The following CCNB1IP1 variants were observed in gnomAD, a reference collection of about 807,000 sequenced individuals.
CCNB1IP1 encodes the protein E3 ubiquitin-protein ligase CCNB1IP1.
Under a neutral mutation model 25.6 loss-of-function variants are expected in CCNB1IP1, and 14 were observed. The observed-to-expected ratio is 0.55, with a 90% CI of 0.36 to 0.85. The LOEUF (loss-of-function observed/expected upper bound fraction) is 0.85, where lower values mean the gene tolerates loss of function less well. CCNB1IP1 is among the 40% of genes least tolerant of loss of function. The pLI is 0.01. For missense variants in CCNB1IP1, 278 were observed against 342.4 expected, an observed-to-expected ratio of 0.81 and a Z score of 1.48; for synonymous variants, 119 against 116.1, an observed-to-expected ratio of 1.02 and a Z score of -0.16.
At chr14:20,332,557 T>C (rs994884845) in intron 1 of CCNB1IP1, among the ~76,000 whole-genome samples, 1 of 152,202 alleles carries the variant, frequency 6.6e-6, no homozygotes, top group African/African-American at 2.4e-5. Flanking sequence ...AATGGCTCAC[T>C]GCTTCTCCCA....
intron 1 of CCNB1IP1, among the ~76,000 whole-genome samples, chr14:20,331,401 T>G (rs1263936594): frequency 6.6e-6 from 1 of 152,214 alleles, no homozygotes; most frequent in East Asian, 1.9e-4. Flanking sequence ...TTCCTTTCGG[T>G]AGAAAATCCT....
intron 2 of CCNB1IP1, among the ~76,000 whole-genome samples, chr14:20,327,806 CAAGT>C (rs1036823743): frequency 6.6e-6 from 1 of 152,066 alleles, no homozygotes; most frequent in Admixed American, 6.6e-5. Flanking sequence ...TAGTAGAAAG[CAAGT>C]AAGGTTAAGA....
chr14:20,317,131 G>A (rs763362490), intron 4 of CCNB1IP1, among the ~76,000 whole-genome samples: 38 of 151,920 alleles, frequency 2.5e-4, no homozygotes, highest in Non-Finnish European at 5.4e-4. Flanking sequence ...TATATAGGCT[G>A]GGCGCGGTGG....
intron 4 of CCNB1IP1, chr14:20,317,634 C>T (rs61995534): frequency 0.046 from 6,958 of 152,232 alleles, 229 homozygotes; most frequent in Middle Eastern, 0.1. Context: ...CAGCTAATTC[C>T]GAATCTTCCA....
At chr14:20,315,033 G>A (rs1489655097) in intron 5 of CCNB1IP1, among the ~76,000 whole-genome samples, 2 of 141,306 alleles carry the variant, frequency 1.4e-5, no homozygotes, top group South Asian at 2.3e-4. Context: ...AGAGCTTGCA[G>A]TGAGCTGAGA....
Position 20,313,821 on chromosome 14 carries a change from G to T in CCNB1IP1, c.298-20C>A, listed in dbSNP as rs1230458398. ...ATGTACCTGGTTCCAAAAGAAAAAA[G>T]ATTTTTAAGGTATTGGGTACAAAGT... On this transcript the variant is annotated intron_variant, in intron 5 of 6. Coordinates refer to ENST00000358932, the MANE Select transcript of CCNB1IP1 (RefSeq NM_021178.5). 1 of 1,510,008 alleles carries T rather than the reference G, an allele frequency of 6.6e-7. No homozygotes were observed. The highest frequency in any genetic ancestry group is 8.9e-7 in the Non-Finnish European group (1 of 1,129,294). 93.5% of individuals were successfully genotyped at this position (1,510,008 alleles called of 1,614,324 possible).
intron 4 of CCNB1IP1, chr14:20,320,349 C>G: frequency 2.2e-6 from 1 of 455,946 alleles, no homozygotes; most frequent in South Asian, 1.5e-5. Flanking sequence ...AACATTCCAA[C>G]AACTTCAGTA....
chr14:20,323,012 T>C (rs1882945067), intron 4 of CCNB1IP1, among the ~76,000 whole-genome samples: 1 of 152,188 alleles, frequency 6.6e-6, no homozygotes, highest in Non-Finnish European at 1.5e-5. Flanking sequence ...CATGAATGAC[T>C]TTAGAGTATA....
chr14:20,312,451 A>G (rs950340694), intron 6 of CCNB1IP1, among the ~76,000 whole-genome samples: 2 of 151,806 alleles, frequency 1.3e-5, no homozygotes, highest in Admixed American at 6.6e-5. Context: ...CCTGGGCTCA[A>G]GTGATTCTCC....
intron 3 of CCNB1IP1, 114 bp downstream of exon 3, chr14:20,326,601 TG>T: frequency 2.1e-6 from 1 of 471,636 alleles, no homozygotes; most frequent in South Asian, 1.6e-5. Flanking sequence ...AGGTTAGAAC[TG>T]GGGATTTTTT....
chr14:20,329,588 G>A (rs537770444), intron 1 of CCNB1IP1, among the ~76,000 whole-genome samples: 298 of 152,166 alleles, frequency 2.0e-3, no homozygotes, highest in Non-Finnish European at 3.6e-3. Flanking sequence ...CCATTCATCC[G>A]TTGATGGACC....
intron 1 of CCNB1IP1, among the ~76,000 whole-genome samples, chr14:20,330,271 AG>A (rs1186830470): frequency 3.9e-5 from 6 of 152,132 alleles, no homozygotes; most frequent in African/African-American, 1.4e-4. Flanking sequence ...AATCTTGCGT[AG>A]GGAGCTAAAT....
At chr14:20,331,752 T>C (rs1296116969) in intron 1 of CCNB1IP1, among the ~76,000 whole-genome samples, 1 of 151,638 alleles carries the variant, frequency 6.6e-6, no homozygotes, top group African/African-American at 2.4e-5. Context: ...TATGTTACCA[T>C]TATGAAGAAT....
intron 4 of CCNB1IP1, among the ~76,000 whole-genome samples, chr14:20,318,887 C>A (rs1237890195): frequency 6.6e-6 from 1 of 152,320 alleles, no homozygotes; most frequent in South Asian, 2.1e-4. Context: ...CTCAGCCTCC[C>A]GAGTGGCTGG....
chr14:20,316,563 A>G lies in CCNB1IP1; in HGVS notation c.-37-3T>C. ...GTCTCCAGAAGCTGAAGAGAGGCCT[A>G]AGAAGGGGTAAATAAAAAGGCCAAG... On this transcript the variant is annotated splice_region_variant and splice_polypyrimidine_tract_variant and intron_variant, in intron 4 of 6. Coordinates refer to ENST00000358932, the MANE Select transcript of CCNB1IP1 (RefSeq NM_021178.5). 1 of 1,542,178 alleles carries G rather than the reference A, an allele frequency of 6.5e-7. No homozygotes were observed. Among genetic ancestry groups the G allele is most frequent in the Non-Finnish European group, 8.8e-7 (1 of 1,134,890 alleles).
intron 4 of CCNB1IP1, among the ~76,000 whole-genome samples, chr14:20,325,089 A>C (rs550928807): frequency 2.3e-3 from 345 of 150,490 alleles, no homozygotes; most frequent in Non-Finnish European, 3.8e-3. Context: ...CTAGGATTAC[A>C]GGTGTGAGCC....
chr14:20,312,576 G>A (rs1345644529), intron 6 of CCNB1IP1, among the ~76,000 whole-genome samples: 1 of 151,864 alleles, frequency 6.6e-6, no homozygotes, highest in Non-Finnish European at 1.5e-5. Flanking sequence ...ATCCAAAAAT[G>A]AGTATTAGGA....
rs749646484 is a variant in CCNB1IP1, at chr14:20,311,687, A to AATCTCC, written c.691_696dup (p.Gly231_Asp232dup). 9.9e-6 allele frequency: 16 copies of AATCTCC among 1,614,024 alleles called. No homozygotes were observed. Among genetic ancestry groups the AATCTCC allele is most frequent in the Non-Finnish European group, 3.4e-6 (4 of 1,180,046 alleles). On this transcript the variant is annotated inframe_insertion, in exon 7 of 7. Transcript: ENST00000358932. ...CCCGCAAAAAATGGTCTGAACTGAA[A>AATCTCC]ATCTCCATCTCCATCGCCCCGATTT...
rs750381050 is a variant in CCNB1IP1, at chr14:20,311,694, A to C, written c.690T>G (p.Asp230Glu). ...NTPVRNRGDG[D>E]GDFQFRPFFA... ...AAAATGGTCTGAACTGAAAATCTCC[A>C]TCTCCATCGCCCCGATTTCGAACAG... The change falls in exon 7 of 7, where the codon GAT (aspartate) becomes GAG (glutamate). Residue 230 changes from aspartate (D) to glutamate (E), a missense_variant. By Grantham distance (45) the Asp-to-Glu change is conservative. Transcript: ENST00000358932. 2 of 1,614,112 alleles carry C rather than the reference A, an allele frequency of 1.2e-6. No individual in the cohort carries two copies. Among genetic ancestry groups the C allele is most frequent in the Admixed American group, 3.3e-5 (2 of 60,022 alleles).
Sources: allele counts gnomAD v4.1 joint callset (sites outside exome capture counted in the v4.1 genomes callset), GRCh38; gene constraint gnomAD v4.1.1; transcripts MANE v1.5; gene names NCBI Gene and HGNC (gene_info 2026-07-23, HGNC 2026-07-21).